PLEKHA7: variants seen among roughly 807,000 people sequenced by gnomAD.
PLEKHA7 encodes pleckstrin homology domain containing A7.
A neutral mutation model predicts 170.0 loss-of-function variants in PLEKHA7; 104 were observed. The observed-to-expected ratio is 0.61, with a 90% confidence interval of 0.52 to 0.72. The LOEUF is 0.72. Ranked by LOEUF, PLEKHA7 falls within the 30% of genes least tolerant of loss-of-function variation. The pLI is 0.00. For missense variants in PLEKHA7, 1,615 were observed against 1,671.7 expected (o/e 0.97, Z 0.59); for synonymous variants, 648 against 660.8 (o/e 0.98, Z 0.30).
At chr11:16,970,881 T>C (rs1862669451) in intron 3 of PLEKHA7, among the ~76,000 whole-genome samples, 1 of 152,216 alleles carries the variant, frequency 6.6e-6, no homozygotes, top group South Asian at 2.1e-4. Context: ...TACAGGATTA[T>C]AAATATTTTT....
At chr11:16,999,573 G>A (rs1260866818) in intron 3 of PLEKHA7, among the ~76,000 whole-genome samples, 1 of 151,990 alleles carries the variant, frequency 6.6e-6, no homozygotes, top group Non-Finnish European at 1.5e-5. Flanking sequence ...CTGGGTAACG[G>A]GGTGTACATT....
At chr11:16,829,972 C>A (rs2135039528) in intron 9 of PLEKHA7, among the ~76,000 whole-genome samples, 1 of 151,746 alleles carries the variant, frequency 6.6e-6, no homozygotes, top group East Asian at 1.9e-4. Flanking sequence ...CCTAAGTTGG[C>A]CATTCTTTTT....
Position 16,813,128 on chromosome 11 carries a change from C to G in PLEKHA7, c.1992G>C (p.Glu664Asp). The part of the protein sequence containing the change: ...DTYLQLKKDL[E>D]YLDLKMTGRD... ...TGTCACTTACCTTTAGATCCAGGTA[C>G]TCCAGGTCTTTCTTCAGCTGGAGGT... The change falls in exon 13 of 27, where the codon GAG (glutamate) becomes GAC (aspartate). Residue 664 changes from glutamate (E) to aspartate (D), a missense_variant. Transcript: ENST00000531066. The G allele has an allele frequency of 6.2e-7, 1 of 1,613,656 alleles. No individual in the cohort carries two copies. Among genetic ancestry groups the G allele is most frequent in the East Asian group, 2.2e-5 (1 of 44,872 alleles).
At chr11:16,788,749 T>A (rs746069941) in intron 23 of PLEKHA7, 18 of 362,956 alleles carry the variant, frequency 5.0e-5, no homozygotes, top group Non-Finnish European at 7.7e-5. Flanking sequence ...CATGTCACCA[T>A]CTTCCTCCTC....
At chr11:16,963,077 C>T (rs896585696) in intron 3 of PLEKHA7, among the ~76,000 whole-genome samples, 1 of 152,176 alleles carries the variant, frequency 6.6e-6, no homozygotes, top group Admixed American at 6.5e-5. Context: ...CCTTCCACTC[C>T]TTGACCCAGG....
Position 17,014,208 on chromosome 11 carries a change from G to C in PLEKHA7, c.87-7C>G, listed in dbSNP as rs1324892332. Reference sequence around the variant, plus strand: ...CGTGCAGCGGAGCTGGTCACTGCGGGCAGAGAGGTGCACCTGTTAGCGCCG... The same window carrying C: ...CGTGCAGCGGAGCTGGTCACTGCGGCCAGAGAGGTGCACCTGTTAGCGCCG... On this transcript the variant is annotated splice_polypyrimidine_tract_variant and splice_region_variant and intron_variant, in intron 1 of 26. Coordinates refer to ENST00000531066, the MANE Select transcript of PLEKHA7 (RefSeq NM_001329630.2). The C allele has an allele frequency of 1.9e-6, 3 of 1,568,168 alleles. No individual in the cohort carries two copies. The highest frequency in any genetic ancestry group is 2.6e-6 in the Non-Finnish European group (3 of 1,161,346).
chr11:16,787,338 T>C (rs1849466582), intron 23 of PLEKHA7: 1 of 605,882 alleles, frequency 1.7e-6, no homozygotes, highest in African/African-American at 2.0e-5. Context: ...CTTTGATGCC[T>C]CAAGTCCCTC....
chr11:16,871,044 T>C, intron 4 of PLEKHA7, 55 bp downstream of exon 4: 1 of 1,400,388 alleles, frequency 7.1e-7, no homozygotes, highest in Non-Finnish European at 1.0e-6. Flanking sequence ...TTTCAGCAAA[T>C]GCCTTTAGTC....
In PLEKHA7 at chr11:16,817,372, A is replaced by T; in HGVS notation, c.1344-50T>A. ...TCAGGCAACCAAGCGAGGGTTCTGC[A>T]GGCTTTGGGGAACATATCTAAGTAA... On this transcript the variant is annotated intron_variant, in intron 10 of 26. Transcript: ENST00000531066. This position sits in a 1 kb window ranked among gnomAD's most constrained non-coding sequence, Gnocchi z 4.4. 1 of 1,528,186 alleles carries T rather than the reference A, an allele frequency of 6.5e-7. No individual in the cohort carries two copies. The highest frequency in any genetic ancestry group is 8.8e-7 in the Non-Finnish European group (1 of 1,134,116). 94.7% of individuals were successfully genotyped at this position (1,528,186 alleles called of 1,614,324 possible). A position where few individuals can be genotyped will look rare whatever the true frequency, so the allele number is the denominator to read the frequency against.
At position 16,888,123 on chromosome 11, in the gene PLEKHA7, G is replaced by A. The variant is rs186680465; in HGVS notation, c.222-16941C>T. Reference sequence around the variant, plus strand: ...TGAGGAGCCCCTCCGCCTGGCAGCCGCCCCATCTGAGAAGTGAGGAGCCCC... The same window carrying A: ...TGAGGAGCCCCTCCGCCTGGCAGCCACCCCATCTGAGAAGTGAGGAGCCCC... On this transcript the variant is annotated intron_variant, in intron 3 of 26. Coordinates refer to ENST00000531066, the MANE Select transcript of PLEKHA7 (RefSeq NM_001329630.2). Among the ~76,000 whole-genome samples the A allele has an allele frequency of 5.7e-3, 873 of 151,888 alleles. 10 individuals carry two copies. The highest frequency in any genetic ancestry group is 0.02 in the African/African-American group (824 of 41,364).
chr11:16,876,540 G>A (rs913775228), intron 3 of PLEKHA7, among the ~76,000 whole-genome samples: 4 of 152,204 alleles, frequency 2.6e-5, no homozygotes, highest in African/African-American at 9.7e-5. Context: ...GTGAAAGCAG[G>A]CTGTGGGTAA....
intron 3 of PLEKHA7, among the ~76,000 whole-genome samples, chr11:16,928,897 T>C (rs1859741522): frequency 1.3e-5 from 2 of 152,090 alleles, no homozygotes. Context: ...TGTTTGAAAG[T>C]TCAGTTAATA....
chr11:16,966,315 T>C (rs988989144), intron 3 of PLEKHA7, among the ~76,000 whole-genome samples: 1 of 151,738 alleles, frequency 6.6e-6, no homozygotes, highest in East Asian at 1.9e-4. Context: ...TGTGTGTGTG[T>C]GTGTGTGTGT....
chr11:16,888,361 G>C (rs1373915727), intron 3 of PLEKHA7, among the ~76,000 whole-genome samples: 1 of 152,288 alleles, frequency 6.6e-6, no homozygotes, highest in African/African-American at 2.4e-5. Context: ...AGCTCATTGA[G>C]AGCGGGCCAA....
chr11:16,889,420 A>AAAAAAAAAAAAAAT (rs61086849), intron 3 of PLEKHA7, among the ~76,000 whole-genome samples: 6 of 74,670 alleles, frequency 8.0e-5, no homozygotes, highest in Non-Finnish European at 1.2e-4. Flanking sequence ...AAAAAAAAAA[A>AAAAAAAAAAAAAAT]ATATATATAT....
intron 3 of PLEKHA7, among the ~76,000 whole-genome samples, chr11:16,936,350 C>T (rs376781351): frequency 2.4e-5 from 3 of 125,246 alleles, no homozygotes; most frequent in East Asian, 2.8e-4. Context: ...TGCAGGGAGC[C>T]GAGCTTATGC....
chr11:16,957,993 G>A (rs1222098988), intron 3 of PLEKHA7, among the ~76,000 whole-genome samples: 1 of 151,956 alleles, frequency 6.6e-6, no homozygotes, highest in East Asian at 2.0e-4. Context: ...GTGAGCCACT[G>A]TGCCTGGCCT....
intron 11 of PLEKHA7, 45 bp from the exon 12 acceptor site, chr11:16,816,309 G>T: frequency 6.8e-7 from 1 of 1,470,932 alleles, no homozygotes. Flanking sequence ...CCAAACCTCT[G>T]CCACTCACTC....
In PLEKHA7 at chr11:16,871,122, A is replaced by G. The variant is rs1252479222; in HGVS notation, c.282T>C (p.Asn94=). ...HPVTGQFSPE[N]SEFILQEEPN... ...ACTCTTCTTGAAGAATGAATTCACT[A>G]TTTTCTGGAGAAAACTGTCCCGTCA... The change falls in exon 4 of 27, where the codon AAT becomes AAC. Residue 94 remains asparagine (N), a synonymous_variant. Coordinates refer to ENST00000531066, the MANE Select transcript of PLEKHA7 (RefSeq NM_001329630.2). The G allele has an allele frequency of 3.1e-6, 5 of 1,604,570 alleles. No homozygotes were observed. Among genetic ancestry groups the G allele is most frequent in the Admixed American group, 3.3e-5 (2 of 59,928 alleles).
Sources: allele counts gnomAD v4.1 joint callset (sites outside exome capture counted in the v4.1 genomes callset), GRCh38; gene constraint gnomAD v4.1.1; non-coding constraint Gnocchi (gnomAD v3.1); transcripts MANE v1.5; gene names NCBI Gene and HGNC (gene_info 2026-07-23, HGNC 2026-07-21).